LRMDA: variants seen among roughly 807,000 people sequenced by gnomAD.
The protein encoded by LRMDA is leucine-rich melanocyte differentiation-associated protein.
A neutral mutation model predicts 29.8 loss-of-function variants in LRMDA; 18 were observed. The ratio of observed to expected loss-of-function variants is 0.60; its 90% CI spans 0.42 to 0.90. LRMDA has a LOEUF of 0.90. Ranked by LOEUF, LRMDA falls within the 40% of genes least tolerant of loss-of-function variation. The pLI is 0.00. For missense variants in LRMDA, 273 were observed against 273.9 expected (o/e 1.00, Z 0.02); for synonymous variants, 125 against 109.4 (o/e 1.14, Z -0.89).
chr10:76,160,435 A>G (rs1003983928), intron 5 of LRMDA, among the ~76,000 whole-genome samples: 1 of 152,088 alleles, frequency 6.6e-6, no homozygotes, highest in Non-Finnish European at 1.5e-5. Context: ...TTGTGGTTAT[A>G]TTTAAAATTT....
intron 5 of LRMDA, among the ~76,000 whole-genome samples, chr10:76,234,740 A>G (rs1852120517): frequency 6.6e-6 from 1 of 152,166 alleles, no homozygotes; most frequent in Admixed American, 6.5e-5. Context: ...AACCTCTCTT[A>G]GCTTCAAACT....
intron 4 of LRMDA, among the ~76,000 whole-genome samples, chr10:76,050,544 C>T (rs931771901): frequency 6.6e-6 from 1 of 152,142 alleles, no homozygotes; most frequent in East Asian, 1.9e-4. Context: ...GGAGCTTAAA[C>T]CTGTCTGTGA....
At chr10:76,028,236 C>T (rs1848093040) in intron 2 of LRMDA, among the ~76,000 whole-genome samples, 1 of 152,010 alleles carries the variant, frequency 6.6e-6, no homozygotes, top group Admixed American at 6.6e-5. Flanking sequence ...GAAAATTTCT[C>T]CCATATTTTT....
intron 2 of LRMDA, among the ~76,000 whole-genome samples, chr10:75,941,579 T>C (rs1259608155): frequency 6.6e-6 from 1 of 152,180 alleles, no homozygotes; most frequent in African/African-American, 2.4e-5. Flanking sequence ...CCTGATCCCC[T>C]TCCTGCATTG....
chr10:76,510,890 T>C (rs1273132804), intron 6 of LRMDA, among the ~76,000 whole-genome samples: 8 of 152,196 alleles, frequency 5.3e-5, no homozygotes, highest in African/African-American at 1.9e-4. Flanking sequence ...GGGTAAGCTG[T>C]GTGAAGTTTA....
At chr10:75,763,282 C>A (rs1564561738) in intron 2 of LRMDA, among the ~76,000 whole-genome samples, 1 of 151,910 alleles carries the variant, frequency 6.6e-6, no homozygotes, top group Admixed American at 6.6e-5. Flanking sequence ...AAATCTGTTC[C>A]TGATGGCCAG....
intron 2 of LRMDA, among the ~76,000 whole-genome samples, chr10:75,683,529 A>G (rs1038851677): frequency 1.3e-5 from 2 of 152,264 alleles, no homozygotes; most frequent in African/African-American, 4.8e-5. Context: ...ACCTTATAAG[A>G]ACATTGCATG....
At chr10:75,988,615 A>G (rs541054467) in intron 2 of LRMDA, among the ~76,000 whole-genome samples, 1 of 151,862 alleles carries the variant, frequency 6.6e-6, no homozygotes, top group Non-Finnish European at 1.5e-5. Context: ...TTATGTTAGT[A>G]TAATAATAAT....
At chr10:75,945,424 C>T (rs958661746) in intron 2 of LRMDA, among the ~76,000 whole-genome samples, 1 of 152,190 alleles carries the variant, frequency 6.6e-6, no homozygotes, top group Non-Finnish European at 1.5e-5. Context: ...AACTGTTCTG[C>T]CAGTGGCAAA....
intron 6 of LRMDA, among the ~76,000 whole-genome samples, chr10:76,503,748 A>G (rs1322108900): frequency 2.6e-5 from 4 of 151,692 alleles, no homozygotes; most frequent in Non-Finnish European, 5.9e-5. Flanking sequence ...CTAGAGATCT[A>G]TGAATTTTGT....
intron 5 of LRMDA, among the ~76,000 whole-genome samples, chr10:76,059,489 T>C (rs899248445): frequency 6.6e-6 from 1 of 152,180 alleles, no homozygotes; most frequent in Admixed American, 6.5e-5. Context: ...TTGGGAGGAG[T>C]TGGGAGTCCT....
intron 5 of LRMDA, among the ~76,000 whole-genome samples, chr10:76,211,688 CTT>C (rs1851636859): frequency 6.6e-6 from 1 of 152,182 alleles, no homozygotes; most frequent in African/African-American, 2.4e-5. Flanking sequence ...TTGGGAGTGT[CTT>C]TTTAATATCA....
chr10:76,057,479 C>T (rs1848636065), intron 4 of LRMDA, among the ~76,000 whole-genome samples: 1 of 152,122 alleles, frequency 6.6e-6, no homozygotes. Flanking sequence ...CTTCAAGAAG[C>T]TTACAGTTTG....
intron 5 of LRMDA, among the ~76,000 whole-genome samples, chr10:76,175,122 C>CA (rs912390805): frequency 1.4e-4 from 21 of 150,410 alleles, no homozygotes; most frequent in Non-Finnish European, 2.5e-4. Context: ...ACTTCATCTC[C>CA]AAAAAAAAAG....
In LRMDA at chr10:75,918,444, G is replaced by A. The variant is rs150172352; in HGVS notation, c.132-117564G>A. ...CACATCACGTGGGGAAAGCAGGAGC[G>A]AGCGAGAGAGAGGAGCAGGAGGTGC... On this transcript the variant is annotated intron_variant, in intron 2 of 6. Coordinates refer to ENST00000611255, the MANE Select transcript of LRMDA (RefSeq NM_001305581.2). Among the ~76,000 whole-genome samples, 169 of 152,166 alleles carry A rather than the reference G, an allele frequency of 1.1e-3. No individual in the cohort carries two copies. The Middle Eastern group carries it at 0.014, about 12-fold the overall frequency.
intron 2 of LRMDA, among the ~76,000 whole-genome samples, chr10:75,915,085 C>G (rs145411457): frequency 6.9e-6 from 1 of 144,302 alleles, no homozygotes; most frequent in South Asian, 2.2e-4. Context: ...AAGTTTAAAG[C>G]TGAAGAGGCC....
At chr10:75,668,267 C>G (rs1213453868) in intron 2 of LRMDA, among the ~76,000 whole-genome samples, 1 of 152,180 alleles carries the variant, frequency 6.6e-6, no homozygotes, top group African/African-American at 2.4e-5. Context: ...TGGGCTGCAT[C>G]TGTGGCTTAA....
At chr10:76,209,025 G>A (rs940777971) in intron 5 of LRMDA, among the ~76,000 whole-genome samples, 1 of 151,982 alleles carries the variant, frequency 6.6e-6, no homozygotes, top group African/African-American at 2.4e-5. Context: ...GTGGTGGTGG[G>A]CACCTATAAT....
At chr10:75,444,037 A>T (rs1844361103) in intron 2 of LRMDA, among the ~76,000 whole-genome samples, 1 of 152,208 alleles carries the variant, frequency 6.6e-6, no homozygotes, top group African/African-American at 2.4e-5. Context: ...TTTCATTCAT[A>T]AAAGAGATAG....
Sources: allele counts gnomAD v4.1 joint callset (sites outside exome capture counted in the v4.1 genomes callset), GRCh38; gene constraint gnomAD v4.1.1; transcripts MANE v1.5; gene names NCBI Gene and HGNC (gene_info 2026-07-23, HGNC 2026-07-21).